Variants in TRAM1 observed in about 807,000 individuals in gnomAD.
TRAM1 encodes translocation associated membrane protein 1, also known as translocating chain-associated membrane protein 1.
TRAM1 carries 17 observed loss-of-function variants against 48.7 expected under a neutral mutation model. The ratio of observed to expected loss-of-function variants is 0.35; its 90% CI spans 0.24 to 0.52. The LOEUF is 0.52. Ranked by LOEUF, TRAM1 falls within the 20% of genes least tolerant of loss-of-function variation. TRAM1 has a pLI of 0.94. For synonymous variants in TRAM1, 182 were observed against 154.0 expected, an observed-to-expected ratio of 1.18 and a Z score of -1.34; for missense variants, 351 against 441.5, an observed-to-expected ratio of 0.79 and a Z score of 1.84.
chr8:70,594,832 T>C (rs984414733), intron 5 of TRAM1, among the ~76,000 whole-genome samples: 7 of 152,176 alleles, frequency 4.6e-5, no homozygotes, highest in Admixed American at 1.3e-4. Context: ...CAGAAAGCTA[T>C]TGACATGTAA....
chr8:70,574,953 A>G lies in TRAM1; in HGVS notation c.1104T>C (p.Asn368=), dbSNP rs147680192. 26 of 1,610,176 alleles carry G rather than the reference A, an allele frequency of 1.6e-5. No individual in the cohort carries two copies. Among genetic ancestry groups the G allele is most frequent in the Middle Eastern group, 3.3e-4 (2 of 6,018 alleles). Residue 368 remains asparagine, a synonymous_variant, in exon 11 of 11, where the codon AAT becomes AAC. Coordinates refer to ENST00000262213, the MANE Select transcript of TRAM1 (RefSeq NM_014294.6). The stretch of plus-strand genomic sequence containing the variant: ...TTCATTATGAAGATTTCTCTTTTTT[A>G]TTCCGGGGAGAGTCTGCTACATTTG... The part of the protein sequence containing the change: ...LTSNVADSPR[N]KKEKSS
At chr8:70,586,305 G>C in intron 8 of TRAM1, among the ~76,000 whole-genome samples, 1 of 147,920 alleles carries the variant, frequency 6.8e-6, no homozygotes, top group African/African-American at 2.5e-5. Flanking sequence ...ATAGCATTAG[G>C]AGATATACCT....
Position 70,580,582 on chromosome 8 carries a change from A to G in TRAM1, c.1051+2582T>C, listed in dbSNP as rs569114851. ...TAAAGGTCATTTATGAAAAACCCATAGCTAACATCATACTTAATGGTAAAA... is the reference window on the plus strand; with the variant it reads ...TAAAGGTCATTTATGAAAAACCCATGGCTAACATCATACTTAATGGTAAAA... On this transcript the variant is annotated intron_variant, in intron 10 of 10. Coordinates refer to ENST00000262213, the MANE Select transcript of TRAM1 (RefSeq NM_014294.6). 2.0e-5 allele frequency among the ~76,000 whole-genome samples: 3 copies of G among 152,314 alleles called. No homozygotes were observed. In the East Asian group the frequency reaches 5.8e-4, roughly 29 times the overall value.
intron 1 of TRAM1, among the ~76,000 whole-genome samples, chr8:70,600,797 GT>G (rs112215048): frequency 0.032 from 4,819 of 152,020 alleles, 264 homozygotes; most frequent in African/African-American, 0.11. Flanking sequence ...AGCTTTGTTG[GT>G]TTTTTTTCTG....
chr8:70,586,684 A>G (rs1383273563), intron 8 of TRAM1, among the ~76,000 whole-genome samples: 1 of 152,224 alleles, frequency 6.6e-6, no homozygotes, highest in South Asian at 2.1e-4. Context: ...TCAAAATTGC[A>G]AGATACAATA....
chr8:70,588,662 T>A (rs1408850879), intron 6 of TRAM1, among the ~76,000 whole-genome samples: 2 of 152,204 alleles, frequency 1.3e-5, no homozygotes, highest in Non-Finnish European at 2.9e-5. Context: ...TTCCACATTT[T>A]ACACACACAC....
At chr8:70,590,302 C>T (rs1203462908) in intron 6 of TRAM1, among the ~76,000 whole-genome samples, 1 of 151,826 alleles carries the variant, frequency 6.6e-6, no homozygotes, top group Admixed American at 6.6e-5. Flanking sequence ...TCTTCTCTGA[C>T]AAGACTAAAA....
At chr8:70,575,849 G>A (rs551742959) in intron 10 of TRAM1, among the ~76,000 whole-genome samples, 1 of 152,080 alleles carries the variant, frequency 6.6e-6, no homozygotes, top group African/African-American at 2.4e-5. Context: ...GGCTGAGGTG[G>A]GTGGATCACC....
chr8:70,587,150 G>A lies in TRAM1; in HGVS notation c.597C>T (p.Tyr199=), dbSNP rs530399619. ...CAATGTGGAAGAGGTAAAGACCAATGTAGACAAGCTGACGAGGAATATCTT... is the reference window on the plus strand; with the variant it reads ...CAATGTGGAAGAGGTAAAGACCAATATAGACAAGCTGACGAGGAATATCTT... ...KKEDIPRQLV[Y]IGLYLFHIAG... The change falls in exon 7 of 11, where the codon TAC becomes TAT. Residue 199 remains tyrosine, a synonymous_variant. Transcript: ENST00000262213. 22 of 1,613,906 alleles carry A rather than the reference G, an allele frequency of 1.4e-5. No individual in the cohort carries two copies. In the African/African-American group the frequency reaches 2.1e-4, roughly 16 times the overall value.
intron 10 of TRAM1, among the ~76,000 whole-genome samples, chr8:70,579,056 T>C (rs1034536209): frequency 1.3e-5 from 2 of 152,250 alleles, no homozygotes; most frequent in East Asian, 1.9e-4. Flanking sequence ...AATAAAACTT[T>C]ATCATAGCTA....
At chr8:70,601,953 T>C (rs555322098) in intron 1 of TRAM1, among the ~76,000 whole-genome samples, 4 of 152,028 alleles carry the variant, frequency 2.6e-5, no homozygotes, top group African/African-American at 4.8e-5. Flanking sequence ...ATAAATCATA[T>C]ATGGAGAGTG....
intron 10 of TRAM1, among the ~76,000 whole-genome samples, chr8:70,575,262 T>A (rs1037614311): frequency 1.3e-5 from 2 of 152,182 alleles, no homozygotes; most frequent in Admixed American, 6.5e-5. Context: ...CACAAGAATT[T>A]AAAAATAGTA....
chr8:70,605,359 T>TA (rs1817697017), intron 1 of TRAM1, among the ~76,000 whole-genome samples: 1 of 152,194 alleles, frequency 6.6e-6, no homozygotes, highest in African/African-American at 2.4e-5. Context: ...TGCAGAGCCC[T>TA]AACTTGAACA....
chr8:70,593,596 T>TA (rs35219621), intron 6 of TRAM1, among the ~76,000 whole-genome samples: 2,966 of 133,632 alleles, frequency 0.022, 86 homozygotes, highest in African/African-American at 0.076. Flanking sequence ...ATATGAGAAT[T>TA]AAAAAAAAAA....
intron 10 of TRAM1, among the ~76,000 whole-genome samples, chr8:70,576,154 AGT>A (rs1307639487): frequency 2.0e-5 from 3 of 151,990 alleles, no homozygotes; most frequent in Non-Finnish European, 4.4e-5. Flanking sequence ...CAGTTAAAGC[AGT>A]GTTGAAAGGA....
At chr8:70,589,800 T>C (rs113388603) in intron 6 of TRAM1, among the ~76,000 whole-genome samples, 1 of 152,160 alleles carries the variant, frequency 6.6e-6, no homozygotes, top group East Asian at 1.9e-4. Context: ...GCCGTGATTG[T>C]GGCCACTGCA....
intron 10 of TRAM1, among the ~76,000 whole-genome samples, chr8:70,578,812 A>G (rs1817014700): frequency 6.6e-6 from 1 of 152,248 alleles, no homozygotes; most frequent in African/African-American, 2.4e-5. Context: ...AGGCTGATCT[A>G]TTATTACATG....
rs1337392099 is a variant in TRAM1 at position 70,573,549 on chromosome 8, C to T, written c.*1383G>A. 1 of 152,542 alleles carries T rather than the reference C, an allele frequency of 6.6e-6. No homozygotes were observed. The highest frequency in any genetic ancestry group is 2.4e-5 in the African/African-American group (1 of 41,418). The allele number at this position is 152,542 out of a possible 1,614,324, so 9.4% of individuals were successfully genotyped here. A position where few individuals can be genotyped will look rare whatever the true frequency, so the allele number is the denominator to read the frequency against. On this transcript the variant is annotated 3_prime_UTR_variant, in exon 11 of 11. Transcript: ENST00000262213. ...GTTCCACTGAAACTCCATAATGCTA[C>T]AGAGAGCTACTACTTTTTCCAGGAA... is the stretch of plus-strand genomic sequence containing the variant.
rs1013550168 is a variant in TRAM1, at chr8:70,574,580, T to G, written c.*352A>C. The G allele has an allele frequency of 9.4e-6, 2 of 212,744 alleles. No individual in the cohort carries two copies. Among genetic ancestry groups the G allele is most frequent in the African/African-American group, 2.4e-5 (1 of 42,008 alleles). The allele number at this position is 212,744 out of a possible 1,614,324, so 13.2% of individuals were successfully genotyped here. A position where few individuals can be genotyped will look rare whatever the true frequency, so the allele number is the denominator to read the frequency against. On this transcript the variant is annotated 3_prime_UTR_variant, in exon 11 of 11. Coordinates refer to ENST00000262213, the MANE Select transcript of TRAM1 (RefSeq NM_014294.6). ...CTTCTTAGAACAGGCCACTCTGCTA[T>G]TATAAAAAATTGGTGACAGCAAGAA...
Sources: gnomAD v4.1 joint callset for allele counts (sites outside exome capture counted in the v4.1 genomes callset) on GRCh38, gnomAD v4.1.1 for gene constraint, MANE v1.5 for transcripts, NCBI Gene and HGNC (gene_info 2026-07-23, HGNC 2026-07-21) for gene names.